ERC2: variants seen among roughly 807,000 people sequenced by gnomAD.
The protein encoded by ERC2 is ELKS/RAB6-interacting/CAST family member 2.
A neutral mutation model predicts 114.8 loss-of-function variants in ERC2; 42 were observed. The ratio of observed to expected loss-of-function variants is 0.37; its 90% confidence interval spans 0.29 to 0.47. ERC2 has a LOEUF of 0.47. Ranked by LOEUF, ERC2 falls within the 20% of genes least tolerant of loss-of-function variation. The pLI, the probability that ERC2 is intolerant of heterozygous loss-of-function variation, is 0.99. For missense variants in ERC2, 939 were observed against 1,150.7 expected, an observed-to-expected ratio of 0.82 and a Z score of 2.66; for synonymous variants, 454 against 425.5, an observed-to-expected ratio of 1.07 and a Z score of -0.82.
intron 17 of ERC2, among the ~76,000 whole-genome samples, chr3:55,668,162 C>T (rs573058278): frequency 6.6e-6 from 1 of 151,940 alleles, no homozygotes; most frequent in Non-Finnish European, 1.5e-5. Flanking sequence ...ATTTCCCAAC[C>T]ATGAGTTAGC....
chr3:55,888,946 TAA>T (rs2063485723), intron 13 of ERC2, among the ~76,000 whole-genome samples: 3 of 152,106 alleles, frequency 2.0e-5, no homozygotes, highest in Non-Finnish European at 2.9e-5. Context: ...CAAAAACCCT[TAA>T]AAAATGTTTC....
intron 17 of ERC2, among the ~76,000 whole-genome samples, chr3:55,600,820 C>T (rs2058366820): frequency 6.6e-6 from 1 of 152,234 alleles, no homozygotes; most frequent in African/African-American, 2.4e-5. Flanking sequence ...GCCATTAAGT[C>T]AGAATCCCTA....
intron 6 of ERC2, among the ~76,000 whole-genome samples, chr3:56,131,039 C>G (rs1335642051): frequency 6.6e-6 from 1 of 152,138 alleles, no homozygotes; most frequent in African/African-American, 2.4e-5. Context: ...ATCATCCATA[C>G]TCTCAAAATG....
chr3:56,425,848 A>T, intron 2 of ERC2, among the ~76,000 whole-genome samples: 1 of 151,330 alleles, frequency 6.6e-6, no homozygotes, highest in Non-Finnish European at 1.5e-5. Context: ...GACTTAGACA[A>T]CTCTGGGTTT....
chr3:56,395,485 G>C (rs939321153), intron 2 of ERC2, among the ~76,000 whole-genome samples: 2 of 152,142 alleles, frequency 1.3e-5, no homozygotes. Flanking sequence ...GCTGGAGGTG[G>C]GGTCTGATGG....
chr3:56,078,504 A>G (rs539096467), intron 7 of ERC2, among the ~76,000 whole-genome samples: 1 of 152,316 alleles, frequency 6.6e-6, no homozygotes, highest in Admixed American at 6.5e-5. Context: ...AATCATGGGG[A>G]ATATCCTAAT....
intron 2 of ERC2, among the ~76,000 whole-genome samples, chr3:56,370,598 T>G (rs1326207881): frequency 8.4e-5 from 12 of 142,904 alleles, no homozygotes; most frequent in Non-Finnish European, 1.2e-4. Flanking sequence ...TTTTTTTGTT[T>G]TTTTTTTTTT....
At chr3:56,381,175 GA>G (rs1263357724) in intron 2 of ERC2, among the ~76,000 whole-genome samples, 2 of 151,902 alleles carry the variant, frequency 1.3e-5, no homozygotes, top group South Asian at 2.1e-4. Context: ...ACTTTTTAAA[GA>G]AAAAAATGGG....
chr3:55,818,235 C>T (rs1376349501), intron 14 of ERC2, among the ~76,000 whole-genome samples: 2 of 152,162 alleles, frequency 1.3e-5, no homozygotes, highest in African/African-American at 2.4e-5. Flanking sequence ...ACACTCAGAG[C>T]TGGGGCCTCA....
At chr3:56,033,172 A>G (rs1441261990) in intron 7 of ERC2, among the ~76,000 whole-genome samples, 1 of 152,160 alleles carries the variant, frequency 6.6e-6, no homozygotes, top group Admixed American at 6.5e-5. Flanking sequence ...CAAGAGCATT[A>G]TGTCAGCCCA....
At chr3:56,013,512 G>A (rs1560023557) in intron 8 of ERC2, among the ~76,000 whole-genome samples, 1 of 152,152 alleles carries the variant, frequency 6.6e-6, no homozygotes, top group Non-Finnish European at 1.5e-5. Context: ...GTCCAGAGGA[G>A]GCAGCAAAGT....
rs888837623 is a variant in ERC2 at position 55,521,490 on chromosome 3, AAGAG to A, written c.*40-10218_*40-10215del. ...TATGCAGCATACTTTCTTGGAGAAGAAGAGAGAGAGAAAGACTCCACTTTTCCAG... is the reference window on the plus strand; with the variant it reads ...TATGCAGCATACTTTCTTGGAGAAGAAGAGAGAAAGACTCCACTTTTCCAG... On this transcript the variant is annotated intron_variant, in intron 17 of 17. Coordinates refer to ENST00000288221, the MANE Select transcript of ERC2 (RefSeq NM_015576.3). Among the ~76,000 whole-genome samples, 9 of 152,360 alleles carry A rather than the reference AAGAG, an allele frequency of 5.9e-5. No homozygotes were observed. The South Asian group carries it at 1.5e-3, about 25-fold the overall frequency.
intron 17 of ERC2, among the ~76,000 whole-genome samples, chr3:55,573,600 C>T (rs1327097257): frequency 2.0e-5 from 3 of 152,078 alleles, no homozygotes; most frequent in African/African-American, 4.8e-5. Context: ...TCATGTGGTT[C>T]GTCACAATTT....
chr3:55,876,265 ACTGGATT>A (rs2062835415), intron 14 of ERC2, among the ~76,000 whole-genome samples: 1 of 152,064 alleles, frequency 6.6e-6, no homozygotes, highest in South Asian at 2.1e-4. Context: ...TAATATTTGG[ACTGGATT>A]TTACCAAGGC....
intron 17 of ERC2, among the ~76,000 whole-genome samples, chr3:55,584,565 G>A (rs2057496287): frequency 1.3e-5 from 2 of 152,078 alleles, no homozygotes; most frequent in Non-Finnish European, 2.9e-5. Flanking sequence ...TATTTAGTGT[G>A]GAGATGGTGA....
intron 2 of ERC2, among the ~76,000 whole-genome samples, chr3:56,393,338 T>C (rs765912282): frequency 1.5e-4 from 23 of 152,068 alleles, no homozygotes; most frequent in Non-Finnish European, 2.6e-4. Flanking sequence ...GCAGAAGTTG[T>C]AGTTAGCCGA....
intron 17 of ERC2, among the ~76,000 whole-genome samples, chr3:55,536,159 C>T (rs899495865): frequency 6.6e-6 from 1 of 152,160 alleles, no homozygotes; most frequent in Admixed American, 6.5e-5. Context: ...CCCACAAGAC[C>T]AAGTCACCTC....
At chr3:55,615,394 A>G (rs965924657) in intron 17 of ERC2, among the ~76,000 whole-genome samples, 1 of 152,220 alleles carries the variant, frequency 6.6e-6, no homozygotes, top group African/African-American at 2.4e-5. Context: ...TAGATATTTG[A>G]TAGAGAAACT....
chr3:56,198,479 C>A (rs2048233681), intron 3 of ERC2, among the ~76,000 whole-genome samples: 2 of 152,130 alleles, frequency 1.3e-5, no homozygotes, highest in Admixed American at 1.3e-4. Context: ...GCGGCCTGAG[C>A]TATGGCAGAT....
Sources: allele counts gnomAD v4.1 joint callset (sites outside exome capture counted in the v4.1 genomes callset), GRCh38; gene constraint gnomAD v4.1.1; transcripts MANE v1.5; gene names NCBI Gene and HGNC (gene_info 2026-07-23, HGNC 2026-07-21).